STAT4: variants seen among roughly 807,000 people sequenced by gnomAD.
STAT4 encodes the protein signal transducer and activator of transcription 4.
A neutral mutation model predicts 110.5 loss-of-function variants in STAT4; 42 were observed. The ratio of observed to expected loss-of-function variants is 0.38; its 90% CI spans 0.30 to 0.49. STAT4 has a LOEUF of 0.49. Ranked by LOEUF, STAT4 falls within the 20% of genes least tolerant of loss-of-function variation. STAT4 has a pLI of 0.95. For synonymous variants in STAT4, 284 were observed against 302.2 expected (o/e 0.94, Z 0.63); for missense variants, 632 against 887.9 (o/e 0.71, Z 3.66).
At chr2:191,093,440 C>T (rs1189588757) in intron 3 of STAT4, among the ~76,000 whole-genome samples, 1 of 151,824 alleles carries the variant, frequency 6.6e-6, no homozygotes, top group Non-Finnish European at 1.5e-5. Context: ...GATACCCAGG[C>T]AAACAGGGTC....
Position 191,104,365 on chromosome 2 carries a change from T to C in STAT4, c.274-28040A>G, listed in dbSNP as rs946837512. Among the ~76,000 whole-genome samples, 3 of 152,188 alleles carry C rather than the reference T, an allele frequency of 2.0e-5. No individual in the cohort carries two copies. Among genetic ancestry groups the C allele is most frequent in the African/African-American group, 7.2e-5 (3 of 41,460 alleles). ...AGTTTTTCCCACGTTTAGTTCTCACTAACATTTATTTTCTAGGAGAAGATG... is the reference window on the plus strand; with the variant it reads ...AGTTTTTCCCACGTTTAGTTCTCACCAACATTTATTTTCTAGGAGAAGATG... On this transcript the variant is annotated intron_variant, in intron 3 of 23. Coordinates refer to ENST00000392320, the MANE Select transcript of STAT4 (RefSeq NM_003151.4). The surrounding 1 kb of genome is among the most constrained non-coding windows in gnomAD (Gnocchi z 4.3).
At chr2:191,119,487 T>C (rs1377489931) in intron 3 of STAT4, among the ~76,000 whole-genome samples, 1 of 152,168 alleles carries the variant, frequency 6.6e-6, no homozygotes, top group Non-Finnish European at 1.5e-5. Context: ...ATGAAAGACT[T>C]ACCTAAGAGC....
intron 3 of STAT4, among the ~76,000 whole-genome samples, chr2:191,106,550 G>C (rs1476181027): frequency 6.6e-6 from 1 of 151,906 alleles, no homozygotes; most frequent in Non-Finnish European, 1.5e-5. Flanking sequence ...CAGCTACTTG[G>C]GAGGCTGAGG....
In STAT4 at chr2:191,077,067, G is replaced by A. The variant is rs1318251158; in HGVS notation, c.274-742C>T. On this transcript the variant is annotated intron_variant, in intron 3 of 23. Transcript: ENST00000392320. The surrounding 1 kb of genome is among the most constrained non-coding windows in gnomAD (Gnocchi z 4.1). The stretch of plus-strand genomic sequence containing the variant: ...TGTCAACTAGCTCATAGCTGCATTA[G>A]TATACTAGAGTGAAACTATATGATA... 6.6e-6 allele frequency among the ~76,000 whole-genome samples: 1 copy of A among 152,124 alleles called. No homozygotes were observed. Among genetic ancestry groups the A allele is most frequent in the Non-Finnish European group, 1.5e-5 (1 of 68,024 alleles).
intron 3 of STAT4, among the ~76,000 whole-genome samples, chr2:191,125,214 T>C (rs1328240677): frequency 1.3e-5 from 2 of 152,166 alleles, no homozygotes; most frequent in African/African-American, 4.8e-5. Context: ...CATTCCCGTA[T>C]CTTTCTACTG....
chr2:191,131,203 C>T (rs979149370), intron 3 of STAT4, among the ~76,000 whole-genome samples: 2 of 151,708 alleles, frequency 1.3e-5, no homozygotes, highest in Non-Finnish European at 2.9e-5. Context: ...TCAGCAATTC[C>T]ACTCCTAGGC....
rs1290297846 is a variant in STAT4, at chr2:191,091,921, T to C, written c.274-15596A>G. ...TATATTGAAATATACCATAAGGTCATTGTATCCAATAGTAATGACATATAA... is the reference window on the plus strand; with the variant it reads ...TATATTGAAATATACCATAAGGTCACTGTATCCAATAGTAATGACATATAA... On this transcript the variant is annotated intron_variant, in intron 3 of 23. Transcript: ENST00000392320. The surrounding 1 kb of genome is among the most constrained non-coding windows in gnomAD (Gnocchi z 5.4). 6.6e-6 allele frequency among the ~76,000 whole-genome samples: 1 copy of C among 152,176 alleles called. No homozygotes were observed. Among genetic ancestry groups the C allele is most frequent in the Non-Finnish European group, 1.5e-5 (1 of 68,040 alleles).
chr2:191,045,495 A>G (rs1696323080), intron 14 of STAT4, among the ~76,000 whole-genome samples: 1 of 152,232 alleles, frequency 6.6e-6, no homozygotes, highest in African/African-American at 2.4e-5. Flanking sequence ...AGCCATGGGA[A>G]CATGTGAACA....
chr2:191,074,654 A>C (rs761288098), intron 4 of STAT4, among the ~76,000 whole-genome samples: 20 of 152,224 alleles, frequency 1.3e-4, no homozygotes, highest in Non-Finnish European at 8.8e-5. Context: ...ACATGTGAGA[A>C]TACCATATAT....
At position 191,116,824 on chromosome 2, in the gene STAT4, A is replaced by G. The variant is rs553071416; in HGVS notation, c.273+29789T>C. On this transcript the variant is annotated intron_variant, in intron 3 of 23. Coordinates refer to ENST00000392320, the MANE Select transcript of STAT4 (RefSeq NM_003151.4). The surrounding 1 kb of genome is among the most constrained non-coding windows in gnomAD (Gnocchi z 4.1). ...CTTGTTGAATGAATAAATGACTGAA[A>G]GTAAATTTACTCAAATGTCTCAGAA... Among the ~76,000 whole-genome samples the G allele has an allele frequency of 6.6e-6, 1 of 152,378 alleles. No individual in the cohort carries two copies. The highest frequency in any genetic ancestry group is 1.9e-4 in the East Asian group (1 of 5,194).
intron 3 of STAT4, among the ~76,000 whole-genome samples, chr2:191,078,982 C>G (rs1287478915): frequency 6.6e-6 from 1 of 151,948 alleles, no homozygotes; most frequent in East Asian, 1.9e-4. Flanking sequence ...CACATGTCTA[C>G]CAAATTCCAA....
intron 3 of STAT4, among the ~76,000 whole-genome samples, chr2:191,094,756 T>C (rs1364466307): frequency 1.3e-5 from 2 of 152,004 alleles, no homozygotes; most frequent in Admixed American, 1.3e-4. Flanking sequence ...ACCTTAAATG[T>C]AAATGGACTG....
At chr2:191,151,583 G>A (rs577074531), upstream of STAT4, 26 of 985,586 alleles carry the variant, frequency 2.6e-5, no homozygotes, top group African/African-American at 4.2e-4. This position sits in a 1 kb window ranked among gnomAD's most constrained non-coding sequence, Gnocchi z 4.7. Flanking sequence ...CTCTCCTTGA[G>A]TAGCCTTGCC....
chr2:191,133,680 T>G (rs1392558907), intron 3 of STAT4, among the ~76,000 whole-genome samples: 1 of 151,742 alleles, frequency 6.6e-6, no homozygotes, highest in Non-Finnish European at 1.5e-5. Context: ...TTATTTTTCT[T>G]AAGTCATTCT....
At chr2:191,089,229 T>C (rs1197282190) in intron 3 of STAT4, among the ~76,000 whole-genome samples, 1 of 152,134 alleles carries the variant, frequency 6.6e-6, no homozygotes, top group East Asian at 1.9e-4. Flanking sequence ...ACAAACTCAA[T>C]TTAAAAATGG....
rs1696278286 is a variant in STAT4, at chr2:191,043,982, A to G, written c.1252-2834T>C. On this transcript the variant is annotated intron_variant, in intron 14 of 23. Transcript: ENST00000392320. This position sits in a 1 kb window ranked among gnomAD's most constrained non-coding sequence, Gnocchi z 4.8. ...ACAATAAACATCAAAATTCAAGGCA[A>G]TGGTTATTGGGAGGTGGGTGGGTAC... Among the ~76,000 whole-genome samples, 1 of 123,410 alleles carries G rather than the reference A, an allele frequency of 8.1e-6. No homozygotes were observed. 81.0% of individuals were successfully genotyped at this position (123,410 alleles called of 152,430 possible). A position where few individuals can be genotyped will look rare whatever the true frequency, so the allele number is the denominator to read the frequency against.
chr2:191,148,623 A>G (rs941436315), intron 1 of STAT4, among the ~76,000 whole-genome samples: 12 of 152,212 alleles, frequency 7.9e-5, no homozygotes, highest in African/African-American at 1.9e-4. Flanking sequence ...CTAAGACTTT[A>G]TATGTGAGGA....
In STAT4 at chr2:191,123,017, G is replaced by A. The variant is rs114875836; in HGVS notation, c.273+23596C>T. 7.5e-3 allele frequency among the ~76,000 whole-genome samples: 1,145 copies of A among 152,314 alleles called. 11 individuals carry two copies. The highest frequency in any genetic ancestry group is 0.025 in the African/African-American group (1,055 of 41,564). ...CATCTTTAAAAAGTGATGCACAAAA[G>A]TGATGCACTTTGCTCTAAGTGCCTT... On this transcript the variant is annotated intron_variant, in intron 3 of 23. Transcript: ENST00000392320.
In STAT4 at chr2:191,143,119, T is replaced by C. The variant is rs1237631228; in HGVS notation, c.273+3494A>G. Among the ~76,000 whole-genome samples, 3 of 152,240 alleles carry C rather than the reference T, an allele frequency of 2.0e-5. No individual in the cohort carries two copies. Among genetic ancestry groups the C allele is most frequent in the African/African-American group, 4.8e-5 (2 of 41,458 alleles). On this transcript the variant is annotated intron_variant, in intron 3 of 23. Transcript: ENST00000392320. The surrounding 1 kb of genome is among the most constrained non-coding windows in gnomAD (Gnocchi z 5.6). The stretch of plus-strand genomic sequence containing the variant: ...AACTTCACTTTCTGCTCAATTTTTC[T>C]GTAAACCTAAAACTACTCTTAAAAA...
Sources: allele counts gnomAD v4.1 joint callset (sites outside exome capture counted in the v4.1 genomes callset), GRCh38; gene constraint gnomAD v4.1.1; non-coding constraint Gnocchi (gnomAD v3.1); transcripts MANE v1.5; gene names NCBI Gene and HGNC (gene_info 2026-07-23, HGNC 2026-07-21).